The following QKI variants were observed in gnomAD, a reference collection of about 807,000 sequenced individuals.
QKI encodes KH domain-containing RNA-binding protein QKI.
In QKI, 10 loss-of-function variants were observed where a neutral mutation model predicts 39.0. That is an observed-to-expected ratio of 0.26 (90% CI 0.16 to 0.43). The LOEUF (loss-of-function observed/expected upper bound fraction) is 0.43, where lower values mean the gene tolerates loss of function less well. Ranked by LOEUF, QKI falls within the 20% of genes least tolerant of loss-of-function variation. QKI has a pLI of 1.00. For missense variants in QKI, 218 were observed against 428.0 expected (o/e 0.51, Z 4.33); for synonymous variants, 204 against 155.4 (o/e 1.31, Z -2.33).
intron 4 of QKI, among the ~76,000 whole-genome samples, chr6:163,550,715 G>A (rs1782175678): frequency 1.3e-5 from 2 of 152,084 alleles, no homozygotes; most frequent in Non-Finnish European, 2.9e-5. Flanking sequence ...GGGAGGCTGA[G>A]GCAGGTGGAT....
intron 1 of QKI, among the ~76,000 whole-genome samples, chr6:163,432,233 TATC>T (rs1418283186): frequency 2.0e-5 from 3 of 152,334 alleles, no homozygotes; most frequent in East Asian, 1.9e-4. Flanking sequence ...ACAGTCATAT[TATC>T]ATTAAATTGA....
At chr6:163,430,126 A>G (rs572916016) in intron 1 of QKI, among the ~76,000 whole-genome samples, 2 of 152,248 alleles carry the variant, frequency 1.3e-5, no homozygotes, top group East Asian at 1.9e-4. Flanking sequence ...GAACATTCTG[A>G]GTAGGAAGGT....
intron 2 of QKI, among the ~76,000 whole-genome samples, chr6:163,462,871 G>T (rs1791452257): frequency 6.6e-6 from 1 of 152,272 alleles, no homozygotes; most frequent in South Asian, 2.1e-4. Flanking sequence ...AGAATTTTAA[G>T]ATTTCTTTAT....
At chr6:163,503,532 C>T (rs1363796551) in intron 3 of QKI, among the ~76,000 whole-genome samples, 1 of 151,926 alleles carries the variant, frequency 6.6e-6, no homozygotes, top group Non-Finnish European at 1.5e-5. Context: ...GTTTACTGTC[C>T]TGATAGTTTC....
chr6:163,420,281 A>G (rs1004994641), intron 1 of QKI, among the ~76,000 whole-genome samples: 2 of 150,812 alleles, frequency 1.3e-5, no homozygotes, highest in Non-Finnish European at 2.9e-5. Flanking sequence ...CTGGAACTAC[A>G]GTTTAATTTA....
intron 4 of QKI, among the ~76,000 whole-genome samples, chr6:163,549,110 C>T (rs569644358): frequency 3.9e-5 from 6 of 152,044 alleles, no homozygotes; most frequent in South Asian, 2.1e-4. Context: ...ACAATCATGG[C>T]GGAAGGCATC....
chr6:163,569,334 A>T (rs1194817971), intron 7 of QKI: 1 of 1,123,976 alleles, frequency 8.9e-7, no homozygotes, highest in East Asian at 8.4e-5. Context: ...ATTATTTTGG[A>T]TCATTTAAAC....
chr6:163,455,453 G>A lies in QKI; in HGVS notation c.285+32G>A, dbSNP rs752719245. 16 of 1,583,866 alleles carry A rather than the reference G, an allele frequency of 1.0e-5. No homozygotes were observed. In the East Asian group the frequency reaches 3.4e-4, roughly 33 times the overall value. On this transcript the variant is annotated intron_variant, in intron 2 of 7. Coordinates refer to ENST00000361752, the MANE Select transcript of QKI (RefSeq NM_006775.3). ...ATATTTTGTTGTTTTATTCAATTTT[G>A]TTCTGCTTCACATATGTTGGGAAGA... is the stretch of plus-strand genomic sequence containing the variant.
intron 1 of QKI, among the ~76,000 whole-genome samples, chr6:163,437,662 G>T (rs1380468165): frequency 6.6e-6 from 1 of 152,066 alleles, no homozygotes; most frequent in Admixed American, 6.5e-5. Context: ...CACATTGAGG[G>T]TTTCAGGTGT....
chr6:163,476,647 C>A (rs1018875829), intron 2 of QKI, among the ~76,000 whole-genome samples: 1 of 152,146 alleles, frequency 6.6e-6, no homozygotes, highest in African/African-American at 2.4e-5. Context: ...CAGTGATGGT[C>A]GCTTGTTCTG....
intron 3 of QKI, among the ~76,000 whole-genome samples, chr6:163,527,489 A>C (rs769175167): frequency 5.3e-5 from 8 of 152,288 alleles, no homozygotes; most frequent in Non-Finnish European, 1.0e-4. Context: ...CAGTAGGAGC[A>C]GAAGTCTTGT....
At chr6:163,480,861 A>G (rs1205163548) in intron 3 of QKI, among the ~76,000 whole-genome samples, 2 of 152,196 alleles carry the variant, frequency 1.3e-5, no homozygotes, top group East Asian at 3.9e-4. Context: ...AAAGATTAGT[A>G]TATATTCATC....
At chr6:163,459,754 T>C (rs1791207390) in intron 2 of QKI, among the ~76,000 whole-genome samples, 1 of 152,188 alleles carries the variant, frequency 6.6e-6, no homozygotes, top group Non-Finnish European at 1.5e-5. Flanking sequence ...AGAAAAATAA[T>C]CCTGTTCTTG....
intron 2 of QKI, among the ~76,000 whole-genome samples, chr6:163,465,076 T>C (rs544946865): frequency 1.1e-4 from 16 of 152,130 alleles, no homozygotes; most frequent in African/African-American, 3.9e-4. Context: ...GAATGAAAAA[T>C]AAAAACCATA....
chr6:163,544,122 C>T (rs1293485963), intron 4 of QKI, among the ~76,000 whole-genome samples: 2 of 151,906 alleles, frequency 1.3e-5, no homozygotes, highest in Admixed American at 1.3e-4. Flanking sequence ...ACATGGGTTC[C>T]GCACCCATGG....
At chr6:163,463,831 A>G (rs1480713222) in intron 2 of QKI, among the ~76,000 whole-genome samples, 2 of 152,158 alleles carry the variant, frequency 1.3e-5, no homozygotes, top group African/African-American at 4.8e-5. Context: ...AAAGATCCCA[A>G]ACTACTTTCC....
intron 3 of QKI, among the ~76,000 whole-genome samples, chr6:163,479,472 A>G (rs1009637583): frequency 1.4e-4 from 21 of 151,900 alleles, no homozygotes; most frequent in African/African-American, 5.1e-4. Context: ...TCTGCATTCA[A>G]GTGTTTCTCC....
At position 163,415,108 on chromosome 6, in the gene QKI, C is replaced by T. The variant is rs1364332375; in HGVS notation, c.-86C>T. On this transcript the variant is annotated 5_prime_UTR_variant, in exon 1 of 8. Coordinates refer to ENST00000361752, the MANE Select transcript of QKI (RefSeq NM_006775.3). ...GCGGGACGCCGGGTCCCGAGCGGCCCGCGGCCGGGGCTCGCCCCCGCCCCT... is the reference window on the plus strand; with the variant it reads ...GCGGGACGCCGGGTCCCGAGCGGCCTGCGGCCGGGGCTCGCCCCCGCCCCT... 1.9e-6 allele frequency: 2 copies of T among 1,057,038 alleles called. No homozygotes were observed. The highest frequency in any genetic ancestry group is 7.6e-5 in the East Asian group (1 of 13,164). The allele number at this position is 1,057,038 out of a possible 1,614,324, so 65.5% of individuals were successfully genotyped here.
At chr6:163,426,741 G>T (rs990092906) in intron 1 of QKI, among the ~76,000 whole-genome samples, 1 of 152,268 alleles carries the variant, frequency 6.6e-6, no homozygotes, top group Middle Eastern at 3.4e-3. Flanking sequence ...ATTTTGAAGT[G>T]AGTTTCTAAT....
Sources: allele counts gnomAD v4.1 joint callset (sites outside exome capture counted in the v4.1 genomes callset), GRCh38; gene constraint gnomAD v4.1.1; transcripts MANE v1.5; gene names NCBI Gene and HGNC (gene_info 2026-07-23, HGNC 2026-07-21).